RUNDC3A: variants seen among roughly 807,000 people sequenced by gnomAD.
The protein encoded by RUNDC3A is RUN domain containing 3A.
Under a neutral mutation model 53.9 loss-of-function variants are expected in RUNDC3A, and 28 were observed. The observed-to-expected ratio is 0.52, with a 90% CI of 0.38 to 0.71. RUNDC3A has a LOEUF of 0.71. RUNDC3A is among the 30% of genes least tolerant of loss of function. The pLI is 0.00. For missense variants in RUNDC3A, 491 were observed against 597.3 expected (o/e 0.82, Z 1.85); for synonymous variants, 232 against 249.4 (o/e 0.93, Z 0.66).
chr17:44,312,791 A>G (rs1478253229), intron 2 of RUNDC3A, 96 bp downstream of exon 2: 25 of 384,178 alleles, frequency 6.5e-5, no homozygotes, highest in East Asian at 1.0e-4. Flanking sequence ...TCCCTCCCCA[A>G]CTCCCAACCT....
rs2047849590 is a variant in RUNDC3A, at chr17:44,315,712, A to T, written c.953+103A>T. On this transcript the variant is annotated intron_variant, in intron 8 of 10. Coordinates refer to ENST00000426726, the MANE Select transcript of RUNDC3A (RefSeq NM_001144825.2). The surrounding 1 kb of genome is among the most constrained non-coding windows in gnomAD (Gnocchi z 6.1). ...ATCGACTCTAACATCACCCGACACGAGCACCCACCTCTCCAGCATCAACCC... is the reference window on the plus strand; with the variant it reads ...ATCGACTCTAACATCACCCGACACGTGCACCCACCTCTCCAGCATCAACCC... The T allele has an allele frequency of 9.3e-7, 1 of 1,076,672 alleles. No individual in the cohort carries two copies. Among genetic ancestry groups the T allele is most frequent in the South Asian group, 2.4e-5 (1 of 41,244 alleles). The allele number at this position is 1,076,672 out of a possible 1,614,324, so 66.7% of individuals were successfully genotyped here.
rs756165824 is a variant in RUNDC3A, at chr17:44,313,098, G to A, written c.224-6G>A. On this transcript the variant is annotated splice_region_variant and splice_polypyrimidine_tract_variant and intron_variant, in intron 2 of 10. Coordinates refer to ENST00000426726, the MANE Select transcript of RUNDC3A (RefSeq NM_001144825.2). Reference sequence around the variant, plus strand: ...CTTGCTGAGCCCCCTCCCTGCCCTGGCTCAGCCTGTGCCCCAGCAGGTCCA... The same window carrying A: ...CTTGCTGAGCCCCCTCCCTGCCCTGACTCAGCCTGTGCCCCAGCAGGTCCA... 9.3e-6 allele frequency: 15 copies of A among 1,613,410 alleles called. No individual in the cohort carries two copies. Among genetic ancestry groups the A allele is most frequent in the Non-Finnish European group, 1.1e-5 (13 of 1,179,384 alleles).
chr17:44,313,055 C>G, intron 2 of RUNDC3A, 49 bp from the exon 3 acceptor site: 1 of 1,602,224 alleles, frequency 6.2e-7, no homozygotes, highest in Admixed American at 1.7e-5. Flanking sequence ...TACATGGACC[C>G]TCTCCAAACT....
intron 1 of RUNDC3A, among the ~76,000 whole-genome samples, chr17:44,310,345 T>A (rs1275764562): frequency 6.6e-6 from 1 of 151,794 alleles, no homozygotes; most frequent in East Asian, 1.9e-4. Flanking sequence ...AGCCCTGTCC[T>A]AATGACGCTC....
In RUNDC3A at chr17:44,315,109, G is replaced by A. The variant is rs750615224; in HGVS notation, c.630-46G>A. 8.1e-6 allele frequency: 13 copies of A among 1,600,412 alleles called. No homozygotes were observed. Among genetic ancestry groups the A allele is most frequent in the Non-Finnish European group, 1.0e-5 (12 of 1,173,190 alleles). Reference sequence around the variant, plus strand: ...CCCTCAGCGGCCAGCGCAGACGCGCGGGGGGAGGGGCGGGACCGGCCGTGC... The same window carrying A: ...CCCTCAGCGGCCAGCGCAGACGCGCAGGGGGAGGGGCGGGACCGGCCGTGC... On this transcript the variant is annotated intron_variant, in intron 6 of 10. Coordinates refer to ENST00000426726, the MANE Select transcript of RUNDC3A (RefSeq NM_001144825.2). This position sits in a 1 kb window ranked among gnomAD's most constrained non-coding sequence, Gnocchi z 6.1.
chr17:44,311,473 G>A, intron 1 of RUNDC3A: 1 of 455,810 alleles, frequency 2.2e-6, no homozygotes, highest in South Asian at 9.3e-5. Flanking sequence ...ATGGGGATGA[G>A]AGTAATACTA....
intron 1 of RUNDC3A, among the ~76,000 whole-genome samples, chr17:44,309,243 T>C (rs1246039077): frequency 6.7e-6 from 1 of 148,288 alleles, no homozygotes; most frequent in Non-Finnish European, 1.5e-5. Flanking sequence ...GGGGTGGGGA[T>C]GGCTGGCTCC....
At position 44,316,698 on chromosome 17, in the gene RUNDC3A, C is replaced by A; in HGVS notation, c.1171C>A (p.Arg391=). ...SDSQRLGEGT[R]DEEPWGPIGK... ...CTCCCAGCGCCTGGGAGAGGGCACG[C>A]GGGACGAGGAGCCCTGGGGTCCCAT... Residue 391 remains arginine (R), a synonymous_variant, in exon 10 of 11, where the codon CGG becomes AGG. Transcript: ENST00000426726. The A allele has an allele frequency of 6.5e-7, 1 of 1,549,572 alleles. No individual in the cohort carries two copies. The highest frequency in any genetic ancestry group is 8.7e-7 in the Non-Finnish European group (1 of 1,146,838).
chr17:44,309,024 C>T (rs1567850902), intron 1 of RUNDC3A, 85 bp downstream of exon 1: 3 of 913,896 alleles, frequency 3.3e-6, no homozygotes, highest in Non-Finnish European at 4.9e-6. Flanking sequence ...AGCGCTGCCG[C>T]GGAGAAAAGG....
intron 1 of RUNDC3A, among the ~76,000 whole-genome samples, chr17:44,311,767 G>T (rs1427369202): frequency 6.6e-6 from 1 of 152,108 alleles, no homozygotes; most frequent in East Asian, 1.9e-4. Flanking sequence ...GACTGGAGAG[G>T]GGGCACTGCA....
chr17:44,317,406 T>TA (rs2047889616), intron 10 of RUNDC3A: 2 of 779,276 alleles, frequency 2.6e-6, no homozygotes, highest in Admixed American at 1.7e-5. Context: ...GGGAACTCCT[T>TA]AGACTAATTT....
At chr17:44,311,969 G>A (rs1385814988) in intron 1 of RUNDC3A, among the ~76,000 whole-genome samples, 1 of 152,158 alleles carries the variant, frequency 6.6e-6, no homozygotes, top group Non-Finnish European at 1.5e-5. Flanking sequence ...CAGCTGGTGT[G>A]TGGGAGGCCA....
chr17:44,309,370 A>G (rs112895652), intron 1 of RUNDC3A, among the ~76,000 whole-genome samples: 1 of 152,120 alleles, frequency 6.6e-6, no homozygotes, highest in Non-Finnish European at 1.5e-5. Flanking sequence ...GGGTTCTCCA[A>G]TGCTCAGATT....
Position 44,318,617 on chromosome 17 carries a change from A to C in RUNDC3A, c.*379A>C. ...ATCTGTCTGTGTATGGCCTGGAGTC[A>C]CTCCTTCCTCAGCCCCCAGGGCAAG... On this transcript the variant is annotated 3_prime_UTR_variant, in exon 11 of 11. Coordinates refer to ENST00000426726, the MANE Select transcript of RUNDC3A (RefSeq NM_001144825.2). 5.1e-6 allele frequency: 1 copy of C among 194,892 alleles called. No individual in the cohort carries two copies. Among genetic ancestry groups the C allele is most frequent in the African/African-American group, 2.3e-5 (1 of 43,228 alleles). 12.1% of individuals were successfully genotyped at this position (194,892 alleles called of 1,614,324 possible).
chr17:44,317,695 T>A, intron 10 of RUNDC3A: 1 of 639,004 alleles, frequency 1.6e-6, no homozygotes, highest in East Asian at 2.7e-5. Context: ...GCTGTGGCCA[T>A]GTAGCCCCAT....
Position 44,316,601 on chromosome 17 carries a change from G to A in RUNDC3A, c.1092-18G>A. 6.4e-7 allele frequency: 1 copy of A among 1,555,360 alleles called. No homozygotes were observed. Among genetic ancestry groups the A allele is most frequent in the Non-Finnish European group, 8.7e-7 (1 of 1,149,230 alleles). ...AAGGGCTTCCTCTACCGGCGCACCA[G>A]CTCTCGCTCTGCCGCAGACACAGCT... is the stretch of plus-strand genomic sequence containing the variant. On this transcript the variant is annotated intron_variant, in intron 9 of 10. Transcript: ENST00000426726.
In RUNDC3A at chr17:44,316,451, G is replaced by C; in HGVS notation, c.1020G>C (p.Leu340=). The change falls in exon 9 of 11, where the codon CTG becomes CTC. Residue 340 remains leucine, a synonymous_variant. Transcript: ENST00000426726. The part of the protein sequence containing the change: ...AQGSKELTTP[L]VNQWPSLGTL... ...GTTCCAAGGAGCTCACTACACCCCT[G>C]GTCAATCAATGGCCCTCACTGGGAA... 6.2e-7 allele frequency: 1 copy of C among 1,613,740 alleles called. No individual in the cohort carries two copies. Among genetic ancestry groups the C allele is most frequent in the Non-Finnish European group, 8.5e-7 (1 of 1,179,864 alleles).
chr17:44,315,671 C>T lies in RUNDC3A; in HGVS notation c.953+62C>T. 1.5e-6 allele frequency: 2 copies of T among 1,319,120 alleles called. No homozygotes were observed. The highest frequency in any genetic ancestry group is 2.0e-6 in the Non-Finnish European group (2 of 1,019,236). The allele number at this position is 1,319,120 out of a possible 1,614,324, so 81.7% of individuals were successfully genotyped here. ...CGCCCCGACCACATCACCGGGTGAA[C>T]CCCATCTTCACTTCCATCGACTCTA... is the stretch of plus-strand genomic sequence containing the variant. On this transcript the variant is annotated intron_variant, in intron 8 of 10. Transcript: ENST00000426726. This position sits in a 1 kb window ranked among gnomAD's most constrained non-coding sequence, Gnocchi z 6.1.
intron 10 of RUNDC3A, 99 bp downstream of exon 10, chr17:44,316,824 T>A: frequency 1.0e-5 from 5 of 497,282 alleles, no homozygotes; most frequent in Non-Finnish European, 1.3e-5. Flanking sequence ...CTTAGTCTTT[T>A]TTTTTTTTTT....
Sources: allele counts gnomAD v4.1 joint callset (sites outside exome capture counted in the v4.1 genomes callset), GRCh38; gene constraint gnomAD v4.1.1; non-coding constraint Gnocchi (gnomAD v3.1); transcripts MANE v1.5; gene names NCBI Gene and HGNC (gene_info 2026-07-23, HGNC 2026-07-21).